The following FBXL18 variants were observed in gnomAD, a reference collection of about 807,000 sequenced individuals.
The protein encoded by FBXL18 is F-box/LRR-repeat protein 18.
Under a neutral mutation model 46.0 loss-of-function variants are expected in FBXL18, and 36 were observed. That is an observed-to-expected ratio of 0.78 (90% CI 0.60 to 1.03). The LOEUF is 1.03. Ranked by LOEUF, FBXL18 falls within the 50% of genes least tolerant of loss-of-function variation. FBXL18 has a pLI of 0.00. For missense variants in FBXL18, 977 were observed against 1,004.1 expected, an observed-to-expected ratio of 0.97 and a Z score of 0.36; for synonymous variants, 557 against 465.3, an observed-to-expected ratio of 1.20 and a Z score of -2.54.
intron 3 of FBXL18, among the ~76,000 whole-genome samples, 179 bp from the exon 4 acceptor site, chr7:5,491,628 G>T (rs1468604470): frequency 6.6e-6 from 1 of 152,178 alleles, no homozygotes; most frequent in East Asian, 1.9e-4. Flanking sequence ...CAGGCCCCCA[G>T]GGTCCCCCTT....
chr7:5,491,652 G>A (rs1370810462), intron 3 of FBXL18, among the ~76,000 whole-genome samples: 1 of 152,202 alleles, frequency 6.6e-6, no homozygotes, highest in Admixed American at 6.5e-5. Flanking sequence ...GATCTGATTT[G>A]GAGGCGACCC....
intron 4 of FBXL18, among the ~76,000 whole-genome samples, chr7:5,469,947 C>G (rs1783402184): frequency 6.6e-6 from 1 of 151,860 alleles, no homozygotes; most frequent in East Asian, 1.9e-4. Context: ...AGTAAACGTC[C>G]GTGTGTGAAT....
At chr7:5,483,323 C>T (rs1783694207) in intron 4 of FBXL18, among the ~76,000 whole-genome samples, 1 of 151,654 alleles carries the variant, frequency 6.6e-6, no homozygotes, top group African/African-American at 2.4e-5. Context: ...TGCCTGTAGT[C>T]CCAGCTACTC....
intron 4 of FBXL18, among the ~76,000 whole-genome samples, chr7:5,468,071 C>T (rs1783369236): frequency 1.3e-5 from 2 of 151,864 alleles, no homozygotes; most frequent in South Asian, 4.2e-4. Context: ...CAAGCTCTGC[C>T]TCCCGGGTTC....
Position 5,501,231 on chromosome 7 carries a change from G to A in FBXL18, c.1038C>T (p.Ala346=). 6.2e-7 allele frequency: 1 copy of A among 1,613,480 alleles called. No individual in the cohort carries two copies. Among genetic ancestry groups the A allele is most frequent in the Non-Finnish European group, 8.5e-7 (1 of 1,179,878 alleles). Residue 346 remains alanine, a synonymous_variant, in exon 3 of 5, where the codon GCC becomes GCT. Transcript: ENST00000382368. ...INGGKDLRSL[A]SLNLSGCVHC... is the part of the protein sequence containing the mutation. ...GGACGCAGCCGCTGAGGTTCAAGCT[G>A]GCCAGGCTCCGCAGGTCCTTCCCGC...
At chr7:5,489,252 G>A (rs4724701) in intron 4 of FBXL18, 232,996 of 518,246 alleles carry the variant, frequency 0.45, 54,120 homozygotes, top group East Asian at 0.68. Context: ...TTAAAAATCA[G>A]ATTACAAAAC....
Position 5,505,571 on chromosome 7 carries a change from G to A in FBXL18, c.78C>T (p.Val26=), listed in dbSNP as rs1584241943. 6.2e-7 allele frequency: 1 copy of A among 1,614,012 alleles called. No individual in the cohort carries two copies. Among genetic ancestry groups the A allele is most frequent in the South Asian group, 1.1e-5 (1 of 91,076 alleles). Reference sequence around the variant, plus strand: ...TCTCATCAGAGAACCCTAGGAGGTGGACCCCGTCTGCCATCCCGGCTGCTG... The same window carrying A: ...TCTCATCAGAGAACCCTAGGAGGTGAACCCCGTCTGCCATCCCGGCTGCTG... ...HPAAAGMADG[V]HLLGFSDEIL... is the part of the protein sequence containing the mutation. The change falls in exon 2 of 5, where the codon GTC becomes GTT. Residue 26 remains valine (V), a synonymous_variant. Transcript: ENST00000382368.
chr7:5,463,034 G>A (rs2128231095), intron 4 of FBXL18, among the ~76,000 whole-genome samples: 1 of 130,668 alleles, frequency 7.7e-6, no homozygotes, highest in East Asian at 2.2e-4. Context: ...TGACCAGTGA[G>A]CACATGCAAA....
At chr7:5,513,561 A>G in intron 1 of FBXL18, 96 bp downstream of exon 1, 1 of 1,406,456 alleles carries the variant, frequency 7.1e-7, no homozygotes, top group Non-Finnish European at 9.9e-7. Context: ...GGGTCGGGAT[A>G]GAAAGGATGC....
chr7:5,501,341 G>C lies in FBXL18; in HGVS notation c.928C>G (p.His310Asp), dbSNP rs1562701842. The C allele has an allele frequency of 6.2e-7, 1 of 1,614,164 alleles. No individual in the cohort carries two copies. Among genetic ancestry groups the C allele is most frequent in the Non-Finnish European group, 8.5e-7 (1 of 1,180,032 alleles). Residue 310 changes from histidine (H) to aspartate (D), a missense_variant, in exon 3 of 5, where the codon CAC becomes GAC. Physicochemically the swap from His to Asp is moderately conservative, Grantham distance 81 (BLOSUM62 -1). Coordinates refer to ENST00000382368, the MANE Select transcript of FBXL18 (RefSeq NM_024963.6). ...SWLNGSSLLQ[H>D]MKFNNPFYFS... ...TAGAACGGGTTGTTGAATTTCATGT[G>C]CTGCAGGAGGGAAGAGCCGTTCAGC...
At chr7:5,499,249 AAACCCCTCGGC>A (rs1784165406) in intron 3 of FBXL18, among the ~76,000 whole-genome samples, 1 of 152,100 alleles carries the variant, frequency 6.6e-6, no homozygotes, top group Non-Finnish European at 1.5e-5. Flanking sequence ...CTCCCGGGTG[AAACCCCTCGGC>A]ACTGTTGCCC....
chr7:5,462,983 T>A lies in FBXL18; in HGVS notation c.2001-15140A>T, dbSNP rs1416256101. Among the ~76,000 whole-genome samples, 295 of 45,062 alleles carry A rather than the reference T, an allele frequency of 6.5e-3. 3 individuals carry two copies. Among genetic ancestry groups the A allele is most frequent in the Middle Eastern group, 0.014 (1 of 70 alleles). The allele number at this position is 45,062 out of a possible 152,430, so 29.6% of individuals were successfully genotyped here. A position where few individuals can be genotyped will look rare whatever the true frequency, so the allele number is the denominator to read the frequency against. On this transcript the variant is annotated intron_variant and NMD_transcript_variant, in intron 4 of 6. Coordinates refer to the FBXL18 transcript ENST00000415009. ...AAAAAAAAAAAAATATATATATATA[T>A]ATATATATATATAATATATATACAC... is the stretch of plus-strand genomic sequence containing the variant.
At chr7:5,493,097 G>C (rs1471846547) in intron 3 of FBXL18, among the ~76,000 whole-genome samples, 1 of 152,150 alleles carries the variant, frequency 6.6e-6, no homozygotes, top group Admixed American at 6.5e-5. Flanking sequence ...CCCTTCAGGA[G>C]GCCAAGGCAG....
rs199679206 is a variant in FBXL18, at chr7:5,486,070, T to A, written c.2001-4139A>T. On this transcript the variant is annotated intron_variant, in intron 4 of 4. Transcript: ENST00000382368. ...CAAGACTCTGTCTCAAAAAAATAAA[T>A]AAATAAATAAATAAATAAATAAATA... 5.6e-4 allele frequency among the ~76,000 whole-genome samples: 20 copies of A among 35,588 alleles called. No individual in the cohort carries two copies. In the South Asian group the frequency reaches 7.2e-3, roughly 13 times the overall value. The allele number at this position is 35,588 out of a possible 152,430, so 23.3% of individuals were successfully genotyped here.
chr7:5,461,404 A>T (rs144791224), intron 4 of FBXL18, among the ~76,000 whole-genome samples: 71 of 152,152 alleles, frequency 4.7e-4, no homozygotes, highest in African/African-American at 1.7e-3. Flanking sequence ...ATACAAAAGT[A>T]ATTGTGATTT....
Position 5,513,511 on chromosome 7 carries a change from G to A in FBXL18, c.18+146C>T. ...GGATGCGGGAAGGACGGGAGCAGGG[G>A]CAAGGCCAGGGTCAGGATGGGAAGG... On this transcript the variant is annotated intron_variant, in intron 1 of 4. Transcript: ENST00000382368. The A allele has an allele frequency of 3.3e-6, 3 of 918,508 alleles. No individual in the cohort carries two copies. In the Admixed American group the frequency reaches 6.0e-5, roughly 18 times the overall value. 56.9% of individuals were successfully genotyped at this position (918,508 alleles called of 1,614,324 possible). A position where few individuals can be genotyped will look rare whatever the true frequency, so the allele number is the denominator to read the frequency against.
At chr7:5,487,748 G>A (rs749202550) in intron 4 of FBXL18, among the ~76,000 whole-genome samples, 1 of 152,210 alleles carries the variant, frequency 6.6e-6, no homozygotes, top group Non-Finnish European at 1.5e-5. Flanking sequence ...GGGCACACAC[G>A]GGAGGCACAC....
rs375292021 is a variant in FBXL18, at chr7:5,464,663, C to A, written c.2001-16820G>T. 4.8e-3 allele frequency among the ~76,000 whole-genome samples: 141 copies of A among 29,520 alleles called. 1 individual carries two copies. The highest frequency in any genetic ancestry group is 0.012 in the South Asian group (4 of 332). The allele number at this position is 29,520 out of a possible 152,430, so 19.4% of individuals were successfully genotyped here. Reference sequence around the variant, plus strand: ...GGGCCAATGAGCAAAACTCTTATCTCAAAAAAAAAAAAAAAAAAAACACTA... The same window carrying A: ...GGGCCAATGAGCAAAACTCTTATCTAAAAAAAAAAAAAAAAAAAAACACTA... On this transcript the variant is annotated intron_variant and NMD_transcript_variant, in intron 4 of 6. Transcript: ENST00000415009.
At chr7:5,468,301 T>C (rs1317948658) in intron 4 of FBXL18, among the ~76,000 whole-genome samples, 1 of 151,836 alleles carries the variant, frequency 6.6e-6, no homozygotes, top group Non-Finnish European at 1.5e-5. Flanking sequence ...GTATTTTTAG[T>C]AGAAACGGGA....
Sources: allele counts gnomAD v4.1 joint callset (sites outside exome capture counted in the v4.1 genomes callset), GRCh38; gene constraint gnomAD v4.1.1; transcripts MANE v1.5; gene names NCBI Gene and HGNC (gene_info 2026-07-23, HGNC 2026-07-21).